The following POU2F1 variants were observed in gnomAD, a reference collection of about 807,000 sequenced individuals.
The protein encoded by POU2F1 is POU domain, class 2, transcription factor 1.
Under a neutral mutation model 84.9 loss-of-function variants are expected in POU2F1, and 16 were observed. The ratio of observed to expected loss-of-function variants is 0.19; its 90% CI spans 0.13 to 0.29. The LOEUF is 0.29. Among genes scored for constraint, POU2F1 ranks in the 10% least tolerant of loss-of-function variants. The pLI is 1.00. For synonymous variants in POU2F1, 368 were observed against 368.3 expected, an observed-to-expected ratio of 1.00 and a Z score of 0.01; for missense variants, 738 against 942.6, an observed-to-expected ratio of 0.78 and a Z score of 2.84.
rs1650815159 is a variant in POU2F1 at position 167,424,237 on chromosome 1, A to G, written c.*8427A>G. 1 of 152,274 alleles carries G rather than the reference A, an allele frequency of 6.6e-6. No homozygotes were observed. Among genetic ancestry groups the G allele is most frequent in the African/African-American group, 2.4e-5 (1 of 41,472 alleles). The allele number at this position is 152,274 out of a possible 1,614,324, so 9.4% of individuals were successfully genotyped here. ...TGGAGAACATGGAACAGGTTGGTGC[A>G]GGAAGCCTAAGATTTTGCAATCATA... On this transcript the variant is annotated 3_prime_UTR_variant, in exon 16 of 16. Coordinates refer to ENST00000367866, the MANE Select transcript of POU2F1 (RefSeq NM_002697.4).
intron 15 of POU2F1, chr1:167,414,451 T>A: frequency 2.0e-6 from 2 of 985,420 alleles, no homozygotes; most frequent in Non-Finnish European, 2.4e-6. Flanking sequence ...GGCATTCCCT[T>A]CAGCTATATT....
chr1:167,414,799 A>G (rs368999721), intron 15 of POU2F1: 16 of 861,662 alleles, frequency 1.9e-5, no homozygotes, highest in Non-Finnish European at 2.2e-5. Flanking sequence ...AATTAATTAT[A>G]CCTTTTAACT....
chr1:167,340,558 A>G (rs1414744399), intron 2 of POU2F1, among the ~76,000 whole-genome samples: 1 of 151,024 alleles, frequency 6.6e-6, no homozygotes, highest in Non-Finnish European at 1.5e-5. Flanking sequence ...CAGCCTCTCA[A>G]GTAGCCGGGA....
At chr1:167,282,101 C>G (rs947949131) in intron 1 of POU2F1, among the ~76,000 whole-genome samples, 2 of 151,968 alleles carry the variant, frequency 1.3e-5, no homozygotes, top group Admixed American at 1.3e-4. Flanking sequence ...TCCCTCAAAT[C>G]TATATTCATA....
intron 1 of POU2F1, among the ~76,000 whole-genome samples, chr1:167,294,218 G>T (rs750181925): frequency 1.1e-4 from 16 of 151,092 alleles, no homozygotes; most frequent in Middle Eastern, 6.8e-3. Flanking sequence ...GTGTGGTGGC[G>T]GGCACCTGTG....
Position 167,314,786 on chromosome 1 carries a change from A to G in POU2F1, c.62-17684A>G, listed in dbSNP as rs1315596032. Among the ~76,000 whole-genome samples, 6 of 152,248 alleles carry G rather than the reference A, an allele frequency of 3.9e-5. No individual in the cohort carries two copies. The East Asian group carries it at 1.2e-3, about 29-fold the overall frequency. On this transcript the variant is annotated intron_variant, in intron 1 of 15. Transcript: ENST00000367866. ...TGAGACCTTATCTCCAAAAAACAAC[A>G]GCGAAATCCCTAAACCTAATACACA...
chr1:167,365,089 C>T (rs1010458709), intron 2 of POU2F1, among the ~76,000 whole-genome samples: 17 of 152,188 alleles, frequency 1.1e-4, no homozygotes, highest in Admixed American at 2.6e-4. Context: ...TGAATTTCTT[C>T]TGTCTAAGCC....
intron 1 of POU2F1, among the ~76,000 whole-genome samples, chr1:167,245,915 G>A (rs1356085322): frequency 6.6e-6 from 1 of 152,150 alleles, no homozygotes; most frequent in African/African-American, 2.4e-5. Context: ...TAGTCATTCA[G>A]TCTGAACAAG....
intron 12 of POU2F1, 31 bp from the exon 13 acceptor site, chr1:167,401,420 C>T (rs760931390): frequency 1.3e-6 from 2 of 1,482,500 alleles, no homozygotes; most frequent in South Asian, 1.2e-5. Flanking sequence ...ATTTTAAGTG[C>T]TTTGTCCATG....
intron 1 of POU2F1, among the ~76,000 whole-genome samples, chr1:167,282,565 C>T (rs1444455123): frequency 6.6e-6 from 1 of 152,178 alleles, no homozygotes; most frequent in South Asian, 2.1e-4. Context: ...TGGTCCTTGT[C>T]TATCTTTCCA....
At chr1:167,381,398 A>T (rs560017751) in intron 7 of POU2F1, among the ~76,000 whole-genome samples, 31 of 152,062 alleles carry the variant, frequency 2.0e-4, no homozygotes, top group African/African-American at 7.2e-4. Context: ...TTGGTTTTTT[A>T]AAAAGTTCTA....
chr1:167,399,952 A>G (rs1319500919), intron 12 of POU2F1, among the ~76,000 whole-genome samples: 2 of 124,114 alleles, frequency 1.6e-5, no homozygotes, highest in East Asian at 2.6e-4. Context: ...TACGGGTGTG[A>G]GCCACCATTC....
chr1:167,310,232 C>T (rs9287079), intron 1 of POU2F1, among the ~76,000 whole-genome samples: 2,342 of 151,296 alleles, frequency 0.015, 64 homozygotes, highest in African/African-American at 0.054. Flanking sequence ...ATATTAAAAA[C>T]CAGGAAAGGG....
In POU2F1 at chr1:167,271,536, AG is replaced by A. The variant is rs1175425387; in HGVS notation, c.61+50580del. Among the ~76,000 whole-genome samples the A allele has an allele frequency of 1.5e-4, 23 of 152,332 alleles. 1 individual carries two copies. The highest frequency in any genetic ancestry group is 5.5e-4 in the African/African-American group (23 of 41,570). The stretch of plus-strand genomic sequence containing the variant: ...AGATTTGGAGCTTTACAGTATTTCA[AG>A]GAAGTAGGATGTGTAAAAAGTTGAG... On this transcript the variant is annotated intron_variant, in intron 1 of 15. Transcript: ENST00000367866.
intron 1 of POU2F1, among the ~76,000 whole-genome samples, chr1:167,300,724 A>G (rs1159620743): frequency 1.3e-5 from 2 of 151,966 alleles, no homozygotes; most frequent in Non-Finnish European, 1.5e-5. Context: ...CGGCCTCCCA[A>G]AGTGCTGGGA....
chr1:167,301,607 G>T (rs1302196891), intron 1 of POU2F1, among the ~76,000 whole-genome samples: 1 of 152,132 alleles, frequency 6.6e-6, no homozygotes, highest in African/African-American at 2.4e-5. Context: ...TTAAGTTGGG[G>T]GAACATTTCA....
intron 1 of POU2F1, among the ~76,000 whole-genome samples, chr1:167,254,727 A>G (rs1651006780): frequency 6.6e-6 from 1 of 152,158 alleles, no homozygotes; most frequent in Admixed American, 6.5e-5. Flanking sequence ...TGATTCAGGT[A>G]ATTTCTTCAT....
chr1:167,252,092 C>T (rs1650775514), intron 1 of POU2F1, among the ~76,000 whole-genome samples: 1 of 151,776 alleles, frequency 6.6e-6, no homozygotes, highest in Admixed American at 6.6e-5. Context: ...GAATGCCTGA[C>T]CTCAAGTAAT....
intron 3 of POU2F1, among the ~76,000 whole-genome samples, chr1:167,368,708 G>A (rs1434632291): frequency 6.6e-5 from 10 of 152,064 alleles, no homozygotes; most frequent in Admixed American, 6.6e-4. Context: ...TATGTCTTCA[G>A]ATTTTGGTTT....
Sources: allele counts gnomAD v4.1 joint callset (sites outside exome capture counted in the v4.1 genomes callset), GRCh38; gene constraint gnomAD v4.1.1; transcripts MANE v1.5; gene names NCBI Gene and HGNC (gene_info 2026-07-23, HGNC 2026-07-21).